ZFHX3: variants seen among roughly 807,000 people sequenced by gnomAD.
ZFHX3 encodes zinc finger homeobox 3.
A neutral mutation model predicts 279.1 loss-of-function variants in ZFHX3; 42 were observed. The observed-to-expected ratio is 0.15, with a 90% CI of 0.12 to 0.19. ZFHX3 has a LOEUF of 0.19. ZFHX3 is among the 10% of genes least tolerant of loss of function. The pLI is 1.00. For synonymous variants in ZFHX3, 2,293 were observed against 1,957.8 expected (o/e 1.17, Z -4.52); for missense variants, 4,981 against 4,754.0 (o/e 1.05, Z -1.40).
At chr16:72,916,588 A>G (rs1010951407) in intron 3 of ZFHX3, among the ~76,000 whole-genome samples, 2 of 152,362 alleles carry the variant, frequency 1.3e-5, no homozygotes, top group East Asian at 1.9e-4. Context: ...GAGGATTATT[A>G]TATTTTAATA....
In ZFHX3 at chr16:72,798,373, T is replaced by C. The variant is rs764523105; in HGVS notation, c.4309A>G (p.Ser1437Gly). 3.7e-6 allele frequency: 6 copies of C among 1,614,200 alleles called. No homozygotes were observed. In the South Asian group the frequency reaches 5.5e-5, roughly 15 times the overall value. Reference sequence around the variant, plus strand: ...TTCAGAGCCTGGAAAGTTCGGAAACTGCGCTGACAAAGACAGCACATGGTG... The same window carrying C: ...TTCAGAGCCTGGAAAGTTCGGAAACCGCGCTGACAAAGACAGCACATGGTG... ...AATMCCLCQR[S>G]FRTFQALKKH... is the part of the protein sequence containing the mutation. Residue 1437 changes from serine (S) to glycine (G), a missense_variant, in exon 9 of 10, where the codon AGT becomes GGT. Ser to Gly is a moderately conservative substitution (Grantham distance 56, BLOSUM62 0). Transcript: ENST00000268489.
intron 5 of ZFHX3, among the ~76,000 whole-genome samples, chr16:73,160,502 T>C (rs2040443273): frequency 6.6e-6 from 1 of 152,014 alleles, no homozygotes; most frequent in Non-Finnish European, 1.5e-5. Flanking sequence ...GCAGGTGTAG[T>C]TTTCTGTCCC....
chr16:73,249,203 A>G (rs1310764493), intron 5 of ZFHX3, among the ~76,000 whole-genome samples: 1 of 152,202 alleles, frequency 6.6e-6, no homozygotes, highest in Non-Finnish European at 1.5e-5. Context: ...TTGCCTCTAA[A>G]GTTAGTAACT....
rs184425847 is a variant in ZFHX3 at position 72,839,919 on chromosome 16, C to A, written c.3449-10060G>T. ...CAGGTGTGAGGCTGAGCAGTCCCTA[C>A]AAGCATCTGTCTTTCAATAACAACC... On this transcript the variant is annotated intron_variant, in intron 4 of 9. Transcript: ENST00000268489. Among the ~76,000 whole-genome samples, 23 of 152,290 alleles carry A rather than the reference C, an allele frequency of 1.5e-4. No homozygotes were observed. The East Asian group carries it at 4.3e-3, about 28-fold the overall frequency.
intron 2 of ZFHX3, chr16:73,500,339 GT>G (rs2019214521): frequency 6.5e-6 from 1 of 153,122 alleles, no homozygotes; most frequent in Non-Finnish European, 1.4e-5. Flanking sequence ...TTGTTTGTTT[GT>G]TTTTTGAGAG....
At chr16:72,835,862 A>G (rs2037179421) in intron 4 of ZFHX3, among the ~76,000 whole-genome samples, 1 of 152,162 alleles carries the variant, frequency 6.6e-6, no homozygotes, top group Non-Finnish European at 1.5e-5. Flanking sequence ...AGCGTGTCCA[A>G]TCCTCTTGGC....
At chr16:73,140,008 C>A (rs971981140) in intron 6 of ZFHX3, among the ~76,000 whole-genome samples, 4 of 152,124 alleles carry the variant, frequency 2.6e-5, no homozygotes, top group African/African-American at 9.7e-5. Context: ...TGGCTCACAC[C>A]TGTAATCCCA....
intron 2 of ZFHX3, among the ~76,000 whole-genome samples, chr16:73,472,424 T>C (rs1597348587): frequency 6.6e-6 from 1 of 152,202 alleles, no homozygotes; most frequent in African/African-American, 2.4e-5. Context: ...TGGATTTTGA[T>C]GAAGCCACAA....
chr16:73,805,888 G>A (rs1176002174), intron 1 of ZFHX3, among the ~76,000 whole-genome samples: 1 of 152,198 alleles, frequency 6.6e-6, no homozygotes, highest in Non-Finnish European at 1.5e-5. Context: ...GACTTGCTCA[G>A]AAACTTCAGT....
intron 4 of ZFHX3, among the ~76,000 whole-genome samples, chr16:73,261,692 T>TTTTTTTTG (rs61577479): frequency 3.1e-5 from 4 of 128,826 alleles, no homozygotes; most frequent in South Asian, 2.7e-4. Flanking sequence ...TTTTTTTTTT[T>TTTTTTTTG]AGGACAGAGT....
intron 5 of ZFHX3, among the ~76,000 whole-genome samples, chr16:73,182,516 C>T (rs996279210): frequency 6.6e-6 from 1 of 151,962 alleles, no homozygotes; most frequent in Non-Finnish European, 1.5e-5. Flanking sequence ...AACTACCATC[C>T]GATCTAGCAA....
At chr16:72,918,845 G>T (rs77250485) in intron 3 of ZFHX3, among the ~76,000 whole-genome samples, 1 of 151,760 alleles carries the variant, frequency 6.6e-6, no homozygotes, top group Non-Finnish European at 1.5e-5. Flanking sequence ...ACAGGCACCC[G>T]CCACCATGCC....
At chr16:73,264,303 C>T (rs889206019) in intron 4 of ZFHX3, among the ~76,000 whole-genome samples, 3 of 152,152 alleles carry the variant, frequency 2.0e-5, no homozygotes, top group Admixed American at 1.3e-4. Context: ...TCAAGGTATC[C>T]GTATTCATTT....
chr16:73,441,587 A>G (rs1445043596), intron 3 of ZFHX3, among the ~76,000 whole-genome samples: 1 of 152,266 alleles, frequency 6.6e-6, no homozygotes, highest in Non-Finnish European at 1.5e-5. Flanking sequence ...ACTCCAAGCC[A>G]GGGGTAACGA....
chr16:73,136,164 A>G (rs1966786946), intron 6 of ZFHX3, among the ~76,000 whole-genome samples: 1 of 152,274 alleles, frequency 6.6e-6, no homozygotes, highest in Admixed American at 6.5e-5. Context: ...TGCATAATCC[A>G]TGGAGCCACT....
intron 2 of ZFHX3, among the ~76,000 whole-genome samples, chr16:73,459,924 T>C (rs1375031777): frequency 6.6e-6 from 1 of 152,200 alleles, no homozygotes; most frequent in Non-Finnish European, 1.5e-5. Flanking sequence ...CCTTGACACA[T>C]GGTGATTATG....
At chr16:73,244,935 T>C (rs760473959) in intron 5 of ZFHX3, among the ~76,000 whole-genome samples, 1 of 152,046 alleles carries the variant, frequency 6.6e-6, no homozygotes, top group Non-Finnish European at 1.5e-5. Flanking sequence ...TGGGGGAGAT[T>C]TGGAGCAGAA....
chr16:73,852,813 TA>T, intron 1 of ZFHX3, among the ~76,000 whole-genome samples: 1 of 152,190 alleles, frequency 6.6e-6, no homozygotes, highest in African/African-American at 2.4e-5. Context: ...CTGATGAGAC[TA>T]AAAAAGCTGG....
At chr16:73,372,523 C>T (rs150402511) in intron 3 of ZFHX3, among the ~76,000 whole-genome samples, 6 of 152,280 alleles carry the variant, frequency 3.9e-5, no homozygotes, top group African/African-American at 1.4e-4. Context: ...TTTATTTAAA[C>T]TAGAATTTAG....
Sources: allele counts gnomAD v4.1 joint callset (sites outside exome capture counted in the v4.1 genomes callset), GRCh38; gene constraint gnomAD v4.1.1; transcripts MANE v1.5; gene names NCBI Gene and HGNC (gene_info 2026-07-23, HGNC 2026-07-21).